The following EBNA1BP2 variants were observed in gnomAD, a reference collection of about 807,000 sequenced individuals.
EBNA1BP2 encodes probable rRNA-processing protein EBP2.
In EBNA1BP2, 36 loss-of-function variants were observed where a neutral mutation model predicts 43.5. The observed-to-expected ratio is 0.83, with a 90% confidence interval of 0.63 to 1.09. The LOEUF is 1.09. Among genes scored for constraint, EBNA1BP2 ranks in the 50% least tolerant of loss-of-function variants. The pLI, the probability that EBNA1BP2 is intolerant of heterozygous loss-of-function variation, is 0.00. For synonymous variants in EBNA1BP2, 127 were observed against 141.3 expected, an observed-to-expected ratio of 0.90 and a Z score of 0.72; for missense variants, 332 against 379.1, an observed-to-expected ratio of 0.88 and a Z score of 1.03.
In EBNA1BP2 at chr1:43,166,827, C is replaced by T. The variant is rs1644921515; in HGVS notation, c.706G>A (p.Gly236Arg). ...AGAKGQQMRK[G>R]PSAKRRYKNQ... The stretch of plus-strand genomic sequence containing the variant: ...AAACCATGCCAAAACCCTTCTCACC[C>T]CTTCCTCATCTGCTGGCCTTTGGCT... Residue 236 changes from glycine to arginine, a missense_variant and splice_region_variant, in exon 7 of 9, where the codon GGG (glycine) becomes AGG (arginine). Gly to Arg is a moderately radical substitution (Grantham distance 125). This residue lies in a region of EBNA1BP2 where 91 missense variants were observed against 152.1 expected (regional missense o/e 0.60). Transcript: ENST00000236051. 6.2e-7 allele frequency: 1 copy of T among 1,610,212 alleles called. No homozygotes were observed. The highest frequency in any genetic ancestry group is 8.5e-7 in the Non-Finnish European group (1 of 1,179,056).
chr1:43,168,194 G>T (rs569699671), intron 5 of EBNA1BP2, among the ~76,000 whole-genome samples: 1 of 152,318 alleles, frequency 6.6e-6, no homozygotes, highest in East Asian at 1.9e-4. Context: ...ACTTTGCTGA[G>T]AATGTATCAG....
chr1:43,164,515 A>G, intron 8 of EBNA1BP2, 22 bp from the exon 9 acceptor site: 1 of 1,614,146 alleles, frequency 6.2e-7, no homozygotes. Flanking sequence ...GACATACCAC[A>G]TCTGGTCACA....
chr1:43,164,200 T>C lies in EBNA1BP2; in HGVS notation c.*243A>G. 1 of 526,328 alleles carries C rather than the reference T, an allele frequency of 1.9e-6. No homozygotes were observed. The highest frequency in any genetic ancestry group is 3.4e-6 in the Non-Finnish European group (1 of 294,176). 32.6% of individuals were successfully genotyped at this position (526,328 alleles called of 1,614,324 possible). ...GAGAAGGTGTCAGTTAAATCATTAT[T>C]TATCATAAAATGAAGGCAATTTGAA... On this transcript the variant is annotated 3_prime_UTR_variant, in exon 9 of 9. Coordinates refer to ENST00000236051, the MANE Select transcript of EBNA1BP2 (RefSeq NM_006824.3).
At chr1:43,172,485 G>A, upstream of EBNA1BP2, 1 of 1,535,682 alleles carries the variant, frequency 6.5e-7, no homozygotes, top group Non-Finnish European at 8.8e-7. Flanking sequence ...TCGCCAGAAG[G>A]AGCTGGTAGC....
At position 43,169,173 on chromosome 1, in the gene EBNA1BP2, G is replaced by A. The variant is rs189611855; in HGVS notation, c.448-145C>T. ...CAGTTCCAACCCCTGAGGACAATGGGGCCCACAGGCTGAGCACTTTACCAA... is the reference window on the plus strand; with the variant it reads ...CAGTTCCAACCCCTGAGGACAATGGAGCCCACAGGCTGAGCACTTTACCAA... On this transcript the variant is annotated intron_variant, in intron 4 of 8. Transcript: ENST00000236051. 1.1e-4 allele frequency: 92 copies of A among 827,430 alleles called. 2 individuals carry two copies. The highest frequency in any genetic ancestry group is 6.6e-4 in the Admixed American group (29 of 44,168). The allele number at this position is 827,430 out of a possible 1,614,324, so 51.3% of individuals were successfully genotyped here. A position where few individuals can be genotyped will look rare whatever the true frequency, so the allele number is the denominator to read the frequency against.
At chr1:43,172,379 C>G (rs1427283738), upstream of EBNA1BP2, 7 of 1,551,422 alleles carry the variant, frequency 4.5e-6, no homozygotes, top group East Asian at 2.4e-5. Flanking sequence ...TTGAAAGTGT[C>G]CGGGTTGCTT....
intron 5 of EBNA1BP2, 86 bp downstream of exon 5, chr1:43,168,853 C>A: frequency 1.5e-6 from 2 of 1,296,438 alleles, no homozygotes; most frequent in Non-Finnish European, 2.2e-6. Flanking sequence ...CAGTTCCGTT[C>A]AGTTCAGGGG....
intron 4 of EBNA1BP2, among the ~76,000 whole-genome samples, chr1:43,170,360 A>G (rs1490128320): frequency 6.6e-6 from 1 of 152,134 alleles, no homozygotes; most frequent in Non-Finnish European, 1.5e-5. Flanking sequence ...AGAATCCCTC[A>G]TTTTACAGAG....
chr1:43,172,217 A>C lies in EBNA1BP2; in HGVS notation c.-99T>G. On this transcript the variant is annotated 5_prime_UTR_variant, in exon 1 of 9. Coordinates refer to ENST00000236051, the MANE Select transcript of EBNA1BP2 (RefSeq NM_006824.3). ...GCCCTGGCCGCTGCTGCCTGCCTTC[A>C]GCCCCCTACTCCCACGCCGTGGCTC... is the stretch of plus-strand genomic sequence containing the variant. 6.3e-7 allele frequency: 1 copy of C among 1,584,226 alleles called. No individual in the cohort carries two copies. Among genetic ancestry groups the C allele is most frequent in the Non-Finnish European group, 8.6e-7 (1 of 1,164,472 alleles).
intron 5 of EBNA1BP2, 71 bp from the exon 6 acceptor site, chr1:43,167,306 G>C (rs1644925588): frequency 1.4e-6 from 2 of 1,416,384 alleles, no homozygotes; most frequent in Non-Finnish European, 2.0e-6. Context: ...TGTCTTAATA[G>C]CAACACCATG....
chr1:43,164,595 G>T, intron 8 of EBNA1BP2, 48 bp downstream of exon 8: 1 of 1,613,836 alleles, frequency 6.2e-7, no homozygotes, highest in South Asian at 1.1e-5. Context: ...TTGGGAGTGG[G>T]AGGGGAGGCT....
At chr1:43,168,486 T>A (rs1012278986) in intron 5 of EBNA1BP2, among the ~76,000 whole-genome samples, 8 of 152,232 alleles carry the variant, frequency 5.3e-5, no homozygotes, top group Admixed American at 5.2e-4. Context: ...ACAATCATTA[T>A]GATAATTTCT....
At position 43,171,999 on chromosome 1, in the gene EBNA1BP2, G is replaced by A. The variant is rs771479358; in HGVS notation, c.67-30C>T. ...AGGACACAATCACGGTCACTCCCAG[G>A]GGTGTAAGGCCCCCTCTCCCACGCC... is the stretch of plus-strand genomic sequence containing the variant. On this transcript the variant is annotated intron_variant, in intron 1 of 8. Coordinates refer to ENST00000236051, the MANE Select transcript of EBNA1BP2 (RefSeq NM_006824.3). 6.2e-6 allele frequency: 10 copies of A among 1,614,052 alleles called. No homozygotes were observed. In the East Asian group the frequency reaches 8.9e-5, roughly 14 times the overall value.
intron 5 of EBNA1BP2, 116 bp from the exon 6 acceptor site, chr1:43,167,351 C>A: frequency 1.1e-6 from 1 of 948,014 alleles, no homozygotes; most frequent in South Asian, 1.4e-5. Context: ...TTACTACGTG[C>A]CAAAAACTGT....
At position 43,171,502 on chromosome 1, in the gene EBNA1BP2, GTCT is replaced by G. The variant is rs764950669; in HGVS notation, c.297_299del (p.Glu99del). On this transcript the variant is annotated inframe_deletion, in exon 3 of 9. Coordinates refer to ENST00000236051, the MANE Select transcript of EBNA1BP2 (RefSeq NM_006824.3). ...ACAAACTCATCTCTCGCTGGAAGTC[GTCT>G]TCTGGATCAACAGCTTTCTGGTCCT... The G allele has an allele frequency of 1.6e-5, 26 of 1,608,724 alleles. 1 individual carries two copies. In the South Asian group the frequency reaches 2.9e-4, roughly 18 times the overall value.
intron 4 of EBNA1BP2, among the ~76,000 whole-genome samples, chr1:43,170,192 T>C (rs965847572): frequency 2.6e-5 from 4 of 152,222 alleles, no homozygotes; most frequent in Non-Finnish European, 5.9e-5. Context: ...TTTTCCCCAA[T>C]ATTTTTGATC....
intron 3 of EBNA1BP2, 180 bp from the exon 4 acceptor site, chr1:43,171,059 A>G: frequency 1.1e-6 from 1 of 895,398 alleles, no homozygotes; most frequent in South Asian, 2.3e-5. Context: ...GTAGCCGTAT[A>G]CTAGTTTTTA....
rs762834351 is a variant in EBNA1BP2, at chr1:43,171,885, C to CCACGTCGTT, written c.142_150dup (p.Asp49_Asn51dup). On this transcript the variant is annotated inframe_insertion and splice_region_variant. Transcript: ENST00000236051. ...ACCCCCGACCCTGTGCCCACGCTCA[C>CCACGTCGTT]CACGTCGTTCACGGCCTTCTTCGGC... 2 of 1,613,826 alleles carry CCACGTCGTT rather than the reference C, an allele frequency of 1.2e-6. No individual in the cohort carries two copies. The highest frequency in any genetic ancestry group is 2.7e-5 in the African/African-American group (2 of 74,916).
At chr1:43,169,569 C>T (rs561133401) in intron 4 of EBNA1BP2, among the ~76,000 whole-genome samples, 21 of 152,300 alleles carry the variant, frequency 1.4e-4, no homozygotes, top group African/African-American at 3.8e-4. Flanking sequence ...TTTAAATATA[C>T]TTATCCCTCA....
Sources: allele counts gnomAD v4.1 joint callset (sites outside exome capture counted in the v4.1 genomes callset), GRCh38; gene constraint gnomAD v4.1.1; regional missense constraint gnomAD v4.1.1; transcripts MANE v1.5; gene names NCBI Gene and HGNC (gene_info 2026-07-23, HGNC 2026-07-21).